The following KIRREL3 variants were observed in gnomAD, a reference collection of about 807,000 sequenced individuals.
KIRREL3 encodes the protein kirre like nephrin family adhesion molecule 3.
KIRREL3 carries 36 observed loss-of-function variants against 89.7 expected under a neutral mutation model. That is an observed-to-expected ratio of 0.40 (90% confidence interval 0.31 to 0.53). The LOEUF is 0.53. Ranked by LOEUF, KIRREL3 falls within the 20% of genes least tolerant of loss-of-function variation. The pLI, the probability that KIRREL3 is intolerant of heterozygous loss-of-function variation, is 0.49. For missense variants in KIRREL3, 864 were observed against 1,056.6 expected (o/e 0.82, Z 2.53); for synonymous variants, 445 against 441.4 (o/e 1.01, Z -0.10).
Position 126,522,480 on chromosome 11 carries a change from G to A in KIRREL3, c.284-1016C>T, listed in dbSNP as rs183289117. ...TGTCCCGCCAGAAGCCCCAGGTCCT[G>A]GTGACGCACTTATGAAGTGCTCAGG... is the stretch of plus-strand genomic sequence containing the variant. On this transcript the variant is annotated intron_variant, in intron 3 of 16. Coordinates refer to ENST00000525144, the MANE Select transcript of KIRREL3 (RefSeq NM_032531.4). This position sits in a 1 kb window ranked among gnomAD's most constrained non-coding sequence, Gnocchi z 6.0. Among the ~76,000 whole-genome samples the A allele has an allele frequency of 2.2e-4, 33 of 152,312 alleles. No individual in the cohort carries two copies. In the East Asian group the frequency reaches 6.0e-3, roughly 28 times the overall value.
intron 1 of KIRREL3, among the ~76,000 whole-genome samples, chr11:126,847,036 G>A (rs1447320451): frequency 6.6e-6 from 1 of 152,050 alleles, no homozygotes; most frequent in Admixed American, 6.5e-5. Flanking sequence ...GTTATAAAAG[G>A]TTTATGAAGA....
intron 1 of KIRREL3, among the ~76,000 whole-genome samples, chr11:126,907,608 C>T (rs1224014470): frequency 1.3e-5 from 2 of 152,182 alleles, no homozygotes; most frequent in Non-Finnish European, 2.9e-5. Context: ...GCTCAAAAAG[C>T]GTTCTGAGTA....
In KIRREL3 at chr11:126,885,995, G is replaced by A. The variant is rs145184030; in HGVS notation, c.55+114460C>T. ...TTTTCTTTCTTCCCACATTTAATGC[G>A]TTCCTCACTTTAATTTTGCATTCTC... On this transcript the variant is annotated intron_variant, in intron 1 of 16. Transcript: ENST00000525144. Among the ~76,000 whole-genome samples the A allele has an allele frequency of 2.2e-3, 342 of 152,226 alleles. 9 individuals carry two copies. The South Asian group carries it at 0.054, about 24-fold the overall frequency.
At chr11:126,532,475 A>G (rs1591690261) in intron 2 of KIRREL3, among the ~76,000 whole-genome samples, 2 of 152,104 alleles carry the variant, frequency 1.3e-5, no homozygotes, top group Admixed American at 1.3e-4. Flanking sequence ...TCCTGGGTTC[A>G]AGGGATTCTC....
intron 1 of KIRREL3, among the ~76,000 whole-genome samples, chr11:126,868,337 G>T (rs1202181530): frequency 6.6e-6 from 1 of 152,192 alleles, no homozygotes; most frequent in African/African-American, 2.4e-5. Context: ...GGCGTTAGAG[G>T]ACCCCGTAGA....
intron 1 of KIRREL3, among the ~76,000 whole-genome samples, chr11:126,801,247 A>G (rs1447757184): frequency 6.6e-6 from 1 of 152,304 alleles, no homozygotes; most frequent in East Asian, 1.9e-4. Context: ...TAAGGATTAC[A>G]GTTAATTGAC....
chr11:126,842,213 A>G (rs958473202), intron 1 of KIRREL3, among the ~76,000 whole-genome samples: 2 of 152,184 alleles, frequency 1.3e-5, no homozygotes, highest in African/African-American at 4.8e-5. Flanking sequence ...CACTCAGGAC[A>G]ACAGACAGAG....
intron 4 of KIRREL3, among the ~76,000 whole-genome samples, chr11:126,518,306 A>T (rs1346083125): frequency 6.6e-6 from 1 of 152,206 alleles, no homozygotes; most frequent in African/African-American, 2.4e-5. Context: ...TCATCTGAGC[A>T]CGCTGCCGGC....
intron 1 of KIRREL3, among the ~76,000 whole-genome samples, chr11:126,986,365 T>A (rs1949867183): frequency 1.3e-5 from 2 of 152,150 alleles, no homozygotes; most frequent in Admixed American, 6.5e-5. Context: ...AATATTTTTT[T>A]AAAAATACAG....
chr11:126,919,914 C>T (rs1176071552), intron 1 of KIRREL3, among the ~76,000 whole-genome samples: 2 of 152,198 alleles, frequency 1.3e-5, no homozygotes, highest in Non-Finnish European at 2.9e-5. Flanking sequence ...TGTTACTAAA[C>T]AATAGGAGGA....
In KIRREL3 at chr11:126,802,485, C is replaced by T. The variant is rs189638180; in HGVS notation, c.55+197970G>A. On this transcript the variant is annotated intron_variant, in intron 1 of 16. Coordinates refer to ENST00000525144, the MANE Select transcript of KIRREL3 (RefSeq NM_032531.4). The surrounding 1 kb of genome is among the most constrained non-coding windows in gnomAD (Gnocchi z 5.2). Reference sequence around the variant, plus strand: ...TGTGGCGTCGTTCTTCTCATGTCTGCGTGGATTTTCTCTGTGTCCTCCAGC... The same window carrying T: ...TGTGGCGTCGTTCTTCTCATGTCTGTGTGGATTTTCTCTGTGTCCTCCAGC... 1.1e-3 allele frequency among the ~76,000 whole-genome samples: 166 copies of T among 152,274 alleles called. No homozygotes were observed. The highest frequency in any genetic ancestry group is 1.8e-3 in the Admixed American group (27 of 15,300).
chr11:126,485,043 C>T lies in KIRREL3; in HGVS notation c.434-11577G>A, dbSNP rs1056785426. 6.6e-5 allele frequency among the ~76,000 whole-genome samples: 10 copies of T among 152,182 alleles called. No individual in the cohort carries two copies. The highest frequency in any genetic ancestry group is 3.9e-4 in the East Asian group (2 of 5,176). On this transcript the variant is annotated intron_variant, in intron 4 of 16. Transcript: ENST00000525144. This position sits in a 1 kb window ranked among gnomAD's most constrained non-coding sequence, Gnocchi z 5.8. ...TCATGTTGGCCAGGCTGGTCTCAAACGCCTGACCTCAGGTGATCCGCCCAC... is the reference window on the plus strand; with the variant it reads ...TCATGTTGGCCAGGCTGGTCTCAAATGCCTGACCTCAGGTGATCCGCCCAC...
Position 126,676,419 on chromosome 11 carries a change from C to A in KIRREL3, c.56-113507G>T, listed in dbSNP as rs143073655. Reference sequence around the variant, plus strand: ...TCTCCTACCCTGGGGCCTCTCTAGTCCCCCAGGGCCACTGGGCTGGCTCTG... The same window carrying A: ...TCTCCTACCCTGGGGCCTCTCTAGTACCCCAGGGCCACTGGGCTGGCTCTG... On this transcript the variant is annotated intron_variant, in intron 1 of 16. Transcript: ENST00000525144. This position sits in a 1 kb window ranked among gnomAD's most constrained non-coding sequence, Gnocchi z 4.5. Among the ~76,000 whole-genome samples the A allele has an allele frequency of 1.5e-4, 23 of 152,242 alleles. 1 individual carries two copies. The highest frequency in any genetic ancestry group is 3.3e-4 in the Admixed American group (5 of 15,296).
In KIRREL3 at chr11:126,489,989, T is replaced by C. The variant is rs901397732; in HGVS notation, c.434-16523A>G. Among the ~76,000 whole-genome samples the C allele has an allele frequency of 1.3e-5, 2 of 151,938 alleles. No individual in the cohort carries two copies. The highest frequency in any genetic ancestry group is 2.9e-5 in the Non-Finnish European group (2 of 68,006). On this transcript the variant is annotated intron_variant, in intron 4 of 16. Coordinates refer to ENST00000525144, the MANE Select transcript of KIRREL3 (RefSeq NM_032531.4). The surrounding 1 kb of genome is among the most constrained non-coding windows in gnomAD (Gnocchi z 5.5). ...TTAGTGCTGCATACGTTGGGGAAAA[T>C]GAGACGTGTTGCTTGGAAGCAGCCC...
At chr11:126,672,595 T>C (rs1341939905) in intron 1 of KIRREL3, among the ~76,000 whole-genome samples, 2 of 152,216 alleles carry the variant, frequency 1.3e-5, no homozygotes, top group African/African-American at 4.8e-5. Flanking sequence ...GCACAGGGGA[T>C]GTTTTTAAGG....
chr11:126,473,398 GGTT>G lies in KIRREL3; in HGVS notation c.499_501del (p.Asn167del). 1 of 1,590,832 alleles carries G rather than the reference GGTT, an allele frequency of 6.3e-7. No individual in the cohort carries two copies. Among genetic ancestry groups the G allele is most frequent in the Non-Finnish European group, 8.6e-7 (1 of 1,168,162 alleles). On this transcript the variant is annotated inframe_deletion, in exon 5 of 17. Coordinates refer to ENST00000525144, the MANE Select transcript of KIRREL3 (RefSeq NM_032531.4). ...TTGGCATTGTCTGCGTGGCAGGTGAGGTTGAGAGGGTCCCCCGCACGCAGGCTG... is the reference window on the plus strand; with the variant it reads ...TTGGCATTGTCTGCGTGGCAGGTGAGGAGAGGGTCCCCCGCACGCAGGCTG...
intron 1 of KIRREL3, among the ~76,000 whole-genome samples, chr11:126,825,818 G>T (rs991059366): frequency 6.6e-6 from 1 of 152,114 alleles, no homozygotes; most frequent in Non-Finnish European, 1.5e-5. Context: ...AAAAAAACTG[G>T]GGCACAGAGG....
intron 4 of KIRREL3, among the ~76,000 whole-genome samples, chr11:126,481,332 C>G (rs1017830255): frequency 2.0e-5 from 3 of 152,184 alleles, no homozygotes; most frequent in Non-Finnish European, 4.4e-5. Context: ...CTGGCCATAT[C>G]TCATTTGACA....
At position 126,555,430 on chromosome 11, in the gene KIRREL3, T is replaced by A. The variant is rs1180071917; in HGVS notation, c.133+7405A>T. On this transcript the variant is annotated intron_variant, in intron 2 of 16. Transcript: ENST00000525144. This position sits in a 1 kb window ranked among gnomAD's most constrained non-coding sequence, Gnocchi z 4.2. ...GGAAGGATCTGGTTCTACGGGAGCA[T>A]GTGACACAGGAACTGGATCTTGACT... Among the ~76,000 whole-genome samples, 1 of 152,184 alleles carries A rather than the reference T, an allele frequency of 6.6e-6. No homozygotes were observed. The highest frequency in any genetic ancestry group is 2.4e-5 in the African/African-American group (1 of 41,444).
Sources: allele counts gnomAD v4.1 joint callset (sites outside exome capture counted in the v4.1 genomes callset), GRCh38; gene constraint gnomAD v4.1.1; non-coding constraint Gnocchi (gnomAD v3.1); transcripts MANE v1.5; gene names NCBI Gene and HGNC (gene_info 2026-07-23, HGNC 2026-07-21).